KCNJ3: variants seen among roughly 807,000 people sequenced by gnomAD.
The protein encoded by KCNJ3 is potassium inwardly rectifying channel subfamily J member 3, also known as G protein-activated inward rectifier potassium channel 1.
In KCNJ3, 4 loss-of-function variants were observed where a neutral mutation model predicts 39.2. That is an observed-to-expected ratio of 0.10 (90% CI 0.05 to 0.23). The LOEUF is 0.23. Among genes scored for constraint, KCNJ3 ranks in the 10% least tolerant of loss-of-function variants. The pLI, the probability that KCNJ3 is intolerant of heterozygous loss-of-function variation, is 1.00. For synonymous variants in KCNJ3, 230 were observed against 237.4 expected, an observed-to-expected ratio of 0.97 and a Z score of 0.29; for missense variants, 276 against 634.9, an observed-to-expected ratio of 0.43 and a Z score of 6.08.
rs1282882870 is a variant in KCNJ3, at chr2:154,712,062, A to C, written c.919+2243A>C. On this transcript the variant is annotated intron_variant, in intron 2 of 2. Transcript: ENST00000295101. Reference sequence around the variant, plus strand: ...TAGATCTAATATAGCAAGACAAATAAGAAAAACATTACTCATAATTTATAG... The same window carrying C: ...TAGATCTAATATAGCAAGACAAATACGAAAAACATTACTCATAATTTATAG... Among the ~76,000 whole-genome samples the C allele has an allele frequency of 2.0e-5, 3 of 152,194 alleles. No individual in the cohort carries two copies. In the East Asian group the frequency reaches 5.8e-4, roughly 29 times the overall value.
intron 2 of KCNJ3, among the ~76,000 whole-genome samples, chr2:154,717,211 G>T (rs1438388292): frequency 6.6e-6 from 1 of 152,166 alleles, no homozygotes; most frequent in Non-Finnish European, 1.5e-5. Flanking sequence ...TTTATTAGGG[G>T]TGTCATAAAT....
chr2:154,851,659 T>A (rs755908509), intron 2 of KCNJ3, among the ~76,000 whole-genome samples: 2 of 152,188 alleles, frequency 1.3e-5, no homozygotes, highest in Non-Finnish European at 2.9e-5. Flanking sequence ...GCTGTGAAAA[T>A]AAGTAAAGTT....
At chr2:154,745,458 A>T (rs1294455085) in intron 2 of KCNJ3, among the ~76,000 whole-genome samples, 2 of 151,926 alleles carry the variant, frequency 1.3e-5, no homozygotes, top group Non-Finnish European at 2.9e-5. Flanking sequence ...TGACTCTTTC[A>T]TCATTATTTA....
chr2:154,713,615 C>A (rs1685137456), intron 2 of KCNJ3, among the ~76,000 whole-genome samples: 1 of 152,170 alleles, frequency 6.6e-6, no homozygotes, highest in Non-Finnish European at 1.5e-5. Context: ...AGGTTTGTTG[C>A]CCTCCTTGCT....
chr2:154,851,171 G>C (rs1334816582), intron 2 of KCNJ3, among the ~76,000 whole-genome samples: 3 of 151,932 alleles, frequency 2.0e-5, no homozygotes, highest in African/African-American at 7.3e-5. Context: ...GAGCCCAGGG[G>C]TTTGAGGCTG....
intron 2 of KCNJ3, among the ~76,000 whole-genome samples, chr2:154,727,591 C>CAAA (rs546038652): frequency 0.031 from 2,828 of 91,286 alleles, 114 homozygotes; most frequent in African/African-American, 0.078. Context: ...GAAACTCCGT[C>CAAA]AAAAAAAAAA....
chr2:154,766,426 G>A (rs184148399), intron 2 of KCNJ3, among the ~76,000 whole-genome samples: 24 of 152,220 alleles, frequency 1.6e-4, no homozygotes, highest in Admixed American at 1.4e-3. Context: ...CTGCTGTGAT[G>A]CTGAAGCTCA....
At chr2:154,711,239 C>A (rs777126346) in intron 2 of KCNJ3, among the ~76,000 whole-genome samples, 1 of 151,920 alleles carries the variant, frequency 6.6e-6, no homozygotes, top group African/African-American at 2.4e-5. Context: ...TATAAAGGCT[C>A]GTAGTCCAAG....
chr2:154,844,052 T>G (rs1225692912), intron 2 of KCNJ3, among the ~76,000 whole-genome samples: 1 of 152,266 alleles, frequency 6.6e-6, no homozygotes, highest in Non-Finnish European at 1.5e-5. Flanking sequence ...TCAGCTTTTC[T>G]GCTCTGGTTT....
chr2:154,810,045 C>T (rs1329888444), intron 2 of KCNJ3, among the ~76,000 whole-genome samples: 1 of 123,822 alleles, frequency 8.1e-6, no homozygotes, highest in Non-Finnish European at 1.9e-5. Flanking sequence ...ACGGTTCTAA[C>T]AATGATTAAT....
Position 154,854,933 on chromosome 2 carries a change from A to G in KCNJ3, c.1126A>G (p.Ile376Val). 6.2e-7 allele frequency: 1 copy of G among 1,614,076 alleles called. No individual in the cohort carries two copies. Among genetic ancestry groups the G allele is most frequent in the Non-Finnish European group, 8.5e-7 (1 of 1,179,940 alleles). Reference sequence around the variant, plus strand: ...GTCGTCCCCTTTAATAGCACCAGCCATAACTAACAGCAAAGAAAGACATAA... The same window carrying G: ...GTCGTCCCCTTTAATAGCACCAGCCGTAACTAACAGCAAAGAAAGACATAA... ...LMSSPLIAPAITNSKERHNSV... is the reference protein window; with the variant it reads ...LMSSPLIAPAVTNSKERHNSV... Residue 376 changes from isoleucine (I) to valine (V), a missense_variant, in exon 3 of 3, where the codon ATA becomes GTA. Physicochemically the swap from Ile to Val is conservative, Grantham distance 29. Transcript: ENST00000295101.
At chr2:154,836,238 A>G (rs1418943420) in intron 2 of KCNJ3, among the ~76,000 whole-genome samples, 2 of 96,312 alleles carry the variant, frequency 2.1e-5, no homozygotes, top group African/African-American at 6.4e-5. Flanking sequence ...ACAAAAAAAA[A>G]AACAAAAAAA....
chr2:154,723,729 T>G (rs73019278), intron 2 of KCNJ3, among the ~76,000 whole-genome samples: 8,204 of 152,182 alleles, frequency 0.054, 514 homozygotes, highest in African/African-American at 0.15. Flanking sequence ...AAAACTAGAT[T>G]AAATATGCTC....
intron 2 of KCNJ3, among the ~76,000 whole-genome samples, chr2:154,840,050 T>G: frequency 6.6e-6 from 1 of 152,234 alleles, no homozygotes; most frequent in African/African-American, 2.4e-5. Flanking sequence ...GGTTTTCTTC[T>G]AGAGTTTTTA....
At chr2:154,748,632 A>G (rs1000032186) in intron 2 of KCNJ3, among the ~76,000 whole-genome samples, 1 of 152,094 alleles carries the variant, frequency 6.6e-6, no homozygotes, top group Admixed American at 6.6e-5. Flanking sequence ...GAACACTATC[A>G]GTCATACATC....
intron 2 of KCNJ3, among the ~76,000 whole-genome samples, chr2:154,749,131 A>T (rs949869375): frequency 2.0e-5 from 3 of 152,108 alleles, no homozygotes; most frequent in Non-Finnish European, 4.4e-5. Flanking sequence ...TGCAGAAGTG[A>T]AGGTGTTCTT....
At chr2:154,844,057 T>C (rs1000334290) in intron 2 of KCNJ3, among the ~76,000 whole-genome samples, 1 of 152,258 alleles carries the variant, frequency 6.6e-6, no homozygotes, top group Admixed American at 6.5e-5. Context: ...TTTTCTGCTC[T>C]GGTTTCTCCC....
intron 2 of KCNJ3, among the ~76,000 whole-genome samples, chr2:154,762,857 G>C (rs1017640083): frequency 6.6e-6 from 1 of 152,142 alleles, no homozygotes; most frequent in Non-Finnish European, 1.5e-5. Context: ...GGTGGTTAGA[G>C]GGCTGGGAAG....
chr2:154,792,637 G>A (rs1431831491), intron 2 of KCNJ3, among the ~76,000 whole-genome samples: 1 of 152,116 alleles, frequency 6.6e-6, no homozygotes, highest in Admixed American at 6.6e-5. Flanking sequence ...TCAATCACTA[G>A]TATGTGATTG....
Sources: gnomAD v4.1 joint callset for allele counts (sites outside exome capture counted in the v4.1 genomes callset) on GRCh38, gnomAD v4.1.1 for gene constraint, MANE v1.5 for transcripts, NCBI Gene and HGNC (gene_info 2026-07-23, HGNC 2026-07-21) for gene names.